NEGR1: variants seen among roughly 807,000 people sequenced by gnomAD.
The protein encoded by NEGR1 is neuronal growth regulator 1.
A neutral mutation model predicts 40.9 loss-of-function variants in NEGR1; 10 were observed. That is an observed-to-expected ratio of 0.24 (90% CI 0.15 to 0.42). The LOEUF is 0.42. Ranked by LOEUF, NEGR1 falls within the 10% of genes least tolerant of loss-of-function variation. The pLI, the probability that NEGR1 is intolerant of heterozygous loss-of-function variation, is 1.00. For synonymous variants in NEGR1, 185 were observed against 166.8 expected (o/e 1.11, Z -0.84); for missense variants, 352 against 438.9 (o/e 0.80, Z 1.77).
chr1:71,647,640 G>T (rs1651576612), intron 4 of NEGR1, among the ~76,000 whole-genome samples: 1 of 151,886 alleles, frequency 6.6e-6, no homozygotes, highest in African/African-American at 2.4e-5. Context: ...GAGAGCTGTT[G>T]TTCATTTGTC....
At chr1:71,563,663 T>C (rs372186490) in intron 6 of NEGR1, among the ~76,000 whole-genome samples, 15 of 152,140 alleles carry the variant, frequency 9.9e-5, no homozygotes, top group Admixed American at 8.5e-4. Context: ...GTCGTTGTTA[T>C]ATTTGTTTTT....
chr1:72,106,214 G>A (rs778211836), intron 1 of NEGR1, among the ~76,000 whole-genome samples: 22 of 152,040 alleles, frequency 1.4e-4, no homozygotes, highest in Non-Finnish European at 2.8e-4. Context: ...TATCAAAAAA[G>A]TTACTAGACA....
chr1:71,946,801 AT>A (rs1423887296), intron 1 of NEGR1, among the ~76,000 whole-genome samples: 1 of 152,008 alleles, frequency 6.6e-6, no homozygotes, highest in African/African-American at 2.4e-5. Context: ...CAACTTTTAT[AT>A]TTATATATGT....
At chr1:72,088,902 C>T (rs113839859) in intron 1 of NEGR1, among the ~76,000 whole-genome samples, 2,294 of 147,896 alleles carry the variant, frequency 0.016, 53 homozygotes, top group African/African-American at 0.054. Context: ...CCTCCGCATC[C>T]GGGTTCAAGT....
intron 6 of NEGR1, among the ~76,000 whole-genome samples, chr1:71,538,478 C>A (rs1647583193): frequency 6.6e-6 from 1 of 151,652 alleles, no homozygotes; most frequent in South Asian, 2.1e-4. Flanking sequence ...GCCGTGGTTT[C>A]ATCTGAAAGC....
chr1:72,176,881 A>T (rs1652186133), intron 1 of NEGR1, among the ~76,000 whole-genome samples: 1 of 152,056 alleles, frequency 6.6e-6, no homozygotes, highest in Non-Finnish European at 1.5e-5. Context: ...TGGCTACAAA[A>T]TAGGAGCTGG....
chr1:71,747,857 T>C (rs1655439424), intron 3 of NEGR1, among the ~76,000 whole-genome samples: 1 of 151,838 alleles, frequency 6.6e-6, no homozygotes, highest in Non-Finnish European at 1.5e-5. Flanking sequence ...CATTTATATT[T>C]GATTAGAGTT....
chr1:71,797,822 A>G (rs528033019), intron 2 of NEGR1, among the ~76,000 whole-genome samples: 2 of 152,222 alleles, frequency 1.3e-5, no homozygotes, highest in South Asian at 4.2e-4. Flanking sequence ...ATGGTTAGGT[A>G]GACTGCACCA....
chr1:71,599,819 A>G (rs1223097252), intron 5 of NEGR1, among the ~76,000 whole-genome samples: 1 of 152,298 alleles, frequency 6.6e-6, no homozygotes, highest in South Asian at 2.1e-4. Flanking sequence ...TTTGATTCGC[A>G]TGGGAGGATA....
rs553633943 is a variant in NEGR1 at position 71,576,143 on chromosome 1, G to A, written c.940+16674C>T. 7.2e-5 allele frequency among the ~76,000 whole-genome samples: 11 copies of A among 152,280 alleles called. No homozygotes were observed. The South Asian group carries it at 2.1e-3, about 29-fold the overall frequency. On this transcript the variant is annotated intron_variant, in intron 6 of 6. Transcript: ENST00000357731. ...GAGTTCTTCCCAGAGCACAGAATGAGTGGCTGCCCATAGAGTTATCTAAGG... is the reference window on the plus strand; with the variant it reads ...GAGTTCTTCCCAGAGCACAGAATGAATGGCTGCCCATAGAGTTATCTAAGG...
At chr1:72,205,417 T>C (rs562573260) in intron 1 of NEGR1, among the ~76,000 whole-genome samples, 46 of 151,770 alleles carry the variant, frequency 3.0e-4, no homozygotes, top group African/African-American at 1.0e-3. Flanking sequence ...AATCTCTAGA[T>C]TACCAAGTAA....
chr1:71,927,327 T>A (rs1237743068), intron 2 of NEGR1, among the ~76,000 whole-genome samples: 1 of 152,148 alleles, frequency 6.6e-6, no homozygotes, highest in Non-Finnish European at 1.5e-5. Context: ...GCACAGATGG[T>A]GAACCTGAGT....
intron 1 of NEGR1, among the ~76,000 whole-genome samples, chr1:72,065,012 T>C (rs377424949): frequency 1.3e-5 from 2 of 152,054 alleles, no homozygotes; most frequent in African/African-American, 4.8e-5. Flanking sequence ...TATCAAATAT[T>C]CCTGAGTAAA....
chr1:72,052,141 T>C (rs186365419), intron 1 of NEGR1, among the ~76,000 whole-genome samples: 142 of 151,498 alleles, frequency 9.4e-4, no homozygotes, highest in African/African-American at 3.3e-3. Context: ...CTATTAATAA[T>C]TGGGGAGAGA....
At chr1:72,225,983 G>T (rs1169763258) in intron 1 of NEGR1, among the ~76,000 whole-genome samples, 1 of 151,724 alleles carries the variant, frequency 6.6e-6, no homozygotes, top group African/African-American at 2.4e-5. Context: ...GCAGGAAAAA[G>T]TATGTCGTAG....
intron 1 of NEGR1, among the ~76,000 whole-genome samples, chr1:72,135,327 G>T (rs1427912794): frequency 8.3e-6 from 1 of 120,756 alleles, no homozygotes; most frequent in African/African-American, 3.2e-5. Flanking sequence ...AGTGAGCCGA[G>T]ATCTCGCCAC....
chr1:71,979,239 A>G (rs1356959510), intron 1 of NEGR1, among the ~76,000 whole-genome samples: 3 of 152,104 alleles, frequency 2.0e-5, no homozygotes, highest in Non-Finnish European at 4.4e-5. Context: ...AGAGGAACGG[A>G]AAAAATAACT....
At chr1:71,488,309 G>T (rs2101381229) in intron 6 of NEGR1, among the ~76,000 whole-genome samples, 1 of 151,882 alleles carries the variant, frequency 6.6e-6, no homozygotes, top group South Asian at 2.1e-4. Context: ...GATGAGAAAG[G>T]ATACAGTGTT....
intron 4 of NEGR1, among the ~76,000 whole-genome samples, chr1:71,633,873 G>C (rs1037393057): frequency 6.6e-6 from 1 of 152,068 alleles, no homozygotes; most frequent in African/African-American, 2.4e-5. Flanking sequence ...AGCCAAGGCT[G>C]TTGTTTCCAG....
Sources: allele counts gnomAD v4.1 joint callset (sites outside exome capture counted in the v4.1 genomes callset), GRCh38; gene constraint gnomAD v4.1.1; transcripts MANE v1.5; gene names NCBI Gene and HGNC (gene_info 2026-07-23, HGNC 2026-07-21).